The following FAM117B variants were observed in gnomAD, a reference collection of about 807,000 sequenced individuals.
FAM117B encodes the protein protein FAM117B.
In FAM117B, 22 loss-of-function variants were observed where a neutral mutation model predicts 52.8. The observed-to-expected ratio is 0.42, with a 90% CI of 0.30 to 0.59. The LOEUF (loss-of-function observed/expected upper bound fraction) is 0.59. FAM117B is among the 20% of genes least tolerant of loss of function. The pLI, the probability that FAM117B is intolerant of heterozygous loss-of-function variation, is 0.22. For missense variants in FAM117B, 678 were observed against 802.6 expected (o/e 0.84, Z 1.88); for synonymous variants, 309 against 324.1 (o/e 0.95, Z 0.50).
At chr2:202,726,123 T>G in intron 3 of FAM117B, 127 bp from the exon 4 acceptor site, 2 of 615,552 alleles carry the variant, frequency 3.2e-6, no homozygotes, top group African/African-American at 1.8e-5. Context: ...AAATGAGACT[T>G]TGTGATATGG....
intron 2 of FAM117B, among the ~76,000 whole-genome samples, chr2:202,703,809 T>C (rs1267255440): frequency 1.3e-5 from 2 of 152,250 alleles, no homozygotes; most frequent in Non-Finnish European, 2.9e-5. Context: ...GAATCCCTGC[T>C]TTCAGTTCCT....
At chr2:202,657,235 G>C (rs1390003571) in intron 1 of FAM117B, among the ~76,000 whole-genome samples, 1 of 152,060 alleles carries the variant, frequency 6.6e-6, no homozygotes, top group South Asian at 2.1e-4. Flanking sequence ...CTACAGGGAT[G>C]TGCCACCAGG....
At chr2:202,741,555 G>A (rs575013102) in intron 4 of FAM117B, among the ~76,000 whole-genome samples, 3,220 of 128,278 alleles carry the variant, frequency 0.025, 145 homozygotes, top group African/African-American at 0.089. Flanking sequence ...TTTTTTTTTT[G>A]AGACGGAGTC....
intron 4 of FAM117B, among the ~76,000 whole-genome samples, chr2:202,746,417 T>C (rs2105795617): frequency 6.6e-6 from 1 of 151,644 alleles, no homozygotes; most frequent in South Asian, 2.1e-4. Context: ...CAAATGAAAA[T>C]GCAAGTACAA....
chr2:202,739,958 G>C (rs1691497701), intron 4 of FAM117B, among the ~76,000 whole-genome samples: 1 of 151,678 alleles, frequency 6.6e-6, no homozygotes, highest in South Asian at 2.1e-4. Context: ...GATCACTTGA[G>C]GTCAGGAGTT....
chr2:202,708,334 GCTGA>G (rs1427016939), intron 2 of FAM117B, among the ~76,000 whole-genome samples: 2 of 152,040 alleles, frequency 1.3e-5, no homozygotes, highest in African/African-American at 4.8e-5. Context: ...TCTTTTTGTG[GCTGA>G]CTTATTTCAT....
At chr2:202,736,630 C>T (rs1360158418) in intron 4 of FAM117B, among the ~76,000 whole-genome samples, 1 of 151,984 alleles carries the variant, frequency 6.6e-6, no homozygotes, top group East Asian at 1.9e-4. Context: ...GGTGTGGTGG[C>T]ACATACCTGT....
At chr2:202,688,174 T>C (rs997658163) in intron 1 of FAM117B, among the ~76,000 whole-genome samples, 2 of 152,208 alleles carry the variant, frequency 1.3e-5, no homozygotes, top group African/African-American at 4.8e-5. Context: ...TTTTTGGCAT[T>C]TGATTATTCT....
intron 4 of FAM117B, among the ~76,000 whole-genome samples, chr2:202,739,449 C>CCCCTCCCT (rs1217046850): frequency 7.6e-6 from 1 of 131,202 alleles, no homozygotes; most frequent in Non-Finnish European, 1.6e-5. Context: ...CCCCTCCCCT[C>CCCCTCCCT]CCCTCCCTCC....
chr2:202,737,825 C>T (rs1244171055), intron 4 of FAM117B, among the ~76,000 whole-genome samples: 17 of 152,078 alleles, frequency 1.1e-4, no homozygotes, highest in Admixed American at 1.0e-3. Flanking sequence ...TGGTCTTGAA[C>T]GCTTGACCTC....
intron 1 of FAM117B, among the ~76,000 whole-genome samples, chr2:202,652,723 G>A (rs995089891): frequency 1.5e-4 from 23 of 152,214 alleles, no homozygotes; most frequent in African/African-American, 5.3e-4. Flanking sequence ...AAGAATTCTT[G>A]GAAGGTCTAC....
At chr2:202,650,267 G>C (rs574489704) in intron 1 of FAM117B, among the ~76,000 whole-genome samples, 1 of 152,306 alleles carries the variant, frequency 6.6e-6, no homozygotes, top group East Asian at 1.9e-4. Context: ...GTAGATGAAA[G>C]AGTGTAATGA....
At chr2:202,763,779 G>T (rs1335784968) in intron 7 of FAM117B, among the ~76,000 whole-genome samples, 1 of 152,150 alleles carries the variant, frequency 6.6e-6, no homozygotes, top group Admixed American at 6.5e-5. Context: ...TCTCCATAGT[G>T]TTCACTGTTA....
At chr2:202,745,186 A>G (rs1222742329) in intron 4 of FAM117B, among the ~76,000 whole-genome samples, 1 of 151,858 alleles carries the variant, frequency 6.6e-6, no homozygotes, top group African/African-American at 2.4e-5. Flanking sequence ...TGGCTGAGGC[A>G]TGAGAATCTC....
At chr2:202,741,528 A>G (rs534244122) in intron 4 of FAM117B, among the ~76,000 whole-genome samples, 1 of 150,226 alleles carries the variant, frequency 6.7e-6, no homozygotes, top group African/African-American at 2.5e-5. Flanking sequence ...AATCAATAAA[A>G]CCAATGAAAA....
intron 1 of FAM117B, among the ~76,000 whole-genome samples, chr2:202,638,169 G>A (rs960413029): frequency 2.6e-5 from 4 of 152,148 alleles, no homozygotes; most frequent in Non-Finnish European, 4.4e-5. Flanking sequence ...GAGCTACCGC[G>A]CCCAGCCACT....
intron 4 of FAM117B, among the ~76,000 whole-genome samples, chr2:202,732,159 G>A (rs576921537): frequency 2.1e-4 from 32 of 151,484 alleles, no homozygotes; most frequent in Admixed American, 8.5e-4. Context: ...CCAAAGTGCC[G>A]GGATTACAGG....
chr2:202,654,426 T>C (rs896625106), intron 1 of FAM117B, among the ~76,000 whole-genome samples: 3 of 152,182 alleles, frequency 2.0e-5, no homozygotes, highest in South Asian at 4.1e-4. Flanking sequence ...AAACTTTGTT[T>C]ATGAAGGTTG....
chr2:202,678,268 G>C (rs1480151826), intron 1 of FAM117B, among the ~76,000 whole-genome samples: 1 of 152,132 alleles, frequency 6.6e-6, no homozygotes, highest in African/African-American at 2.4e-5. Flanking sequence ...AGGGAGTGGG[G>C]CTCCTAAGCC....
Sources: gnomAD v4.1 joint callset for allele counts (sites outside exome capture counted in the v4.1 genomes callset) on GRCh38, gnomAD v4.1.1 for gene constraint, MANE v1.5 for transcripts, NCBI Gene and HGNC (gene_info 2026-07-23, HGNC 2026-07-21) for gene names.